Variants in ZNF385D observed in about 807,000 individuals in gnomAD.
ZNF385D encodes the protein zinc finger protein 659.
Under a neutral mutation model 35.8 loss-of-function variants are expected in ZNF385D, and 15 were observed. That is an observed-to-expected ratio of 0.42 (90% confidence interval 0.28 to 0.64). The LOEUF is 0.64. Among genes scored for constraint, ZNF385D ranks in the 30% least tolerant of loss-of-function variants. The pLI is 0.23. For synonymous variants in ZNF385D, 212 were observed against 186.8 expected (o/e 1.13, Z -1.10); for missense variants, 474 against 494.6 (o/e 0.96, Z 0.39).
At chr3:22,279,982 C>A (rs901926900) in intron 2 of ZNF385D, among the ~76,000 whole-genome samples, 4 of 151,992 alleles carry the variant, frequency 2.6e-5, no homozygotes, top group Non-Finnish European at 4.4e-5. Context: ...GCCATTCTTG[C>A]AGCATAAGGT....
chr3:21,571,515 G>C lies in ZNF385D; in HGVS notation c.166-6831C>G, dbSNP rs971866906. Among the ~76,000 whole-genome samples, 25 of 152,190 alleles carry C rather than the reference G, an allele frequency of 1.6e-4. 1 individual carries two copies. Among genetic ancestry groups the C allele is most frequent in the Admixed American group, 1.2e-3 (18 of 15,270 alleles). ...ATATTTATAGGATAAACTTTGGTAG[G>C]CATGGCCAAAAAGTTTTTCAAAATG... On this transcript the variant is annotated intron_variant, in intron 2 of 7. Transcript: ENST00000281523.
chr3:21,887,921 C>T (rs1048313082), intron 3 of ZNF385D, among the ~76,000 whole-genome samples: 57 of 152,180 alleles, frequency 3.7e-4, no homozygotes, highest in African/African-American at 1.3e-3. Context: ...AAATGGGTTA[C>T]ACATGTCCAT....
intron 2 of ZNF385D, among the ~76,000 whole-genome samples, chr3:22,200,962 T>C (rs547089820): frequency 3.9e-5 from 6 of 152,154 alleles, no homozygotes; most frequent in Non-Finnish European, 7.4e-5. Context: ...CCAGATTTCA[T>C]ATTGTTCAAA....
At chr3:21,772,968 G>T (rs532710732) in intron 3 of ZNF385D, among the ~76,000 whole-genome samples, 1 of 151,840 alleles carries the variant, frequency 6.6e-6, no homozygotes, top group South Asian at 2.1e-4. Flanking sequence ...GACAAATACT[G>T]TATGATTCCA....
At position 22,342,688 on chromosome 3, in the gene ZNF385D, C is replaced by T. The variant is rs568027718; in HGVS notation, c.106+29762G>A. 5.3e-5 allele frequency among the ~76,000 whole-genome samples: 8 copies of T among 152,280 alleles called. No individual in the cohort carries two copies. In the South Asian group the frequency reaches 1.2e-3, roughly 24 times the overall value. On this transcript the variant is annotated intron_variant, in intron 2 of 5. Transcript: ENST00000494108. ...AGCAGTGCTGAACTACTGATTGTTA[C>T]GTACTCTCCAGGGTGATTTTCCATG...
chr3:22,012,316 A>C (rs1696627247), intron 3 of ZNF385D, among the ~76,000 whole-genome samples: 2 of 152,188 alleles, frequency 1.3e-5, no homozygotes, highest in Non-Finnish European at 2.9e-5. Context: ...GGAGTCTACT[A>C]ACAACTAAGA....
At chr3:21,788,948 A>C (rs1436901982) in intron 3 of ZNF385D, among the ~76,000 whole-genome samples, 1 of 152,208 alleles carries the variant, frequency 6.6e-6, no homozygotes, top group African/African-American at 2.4e-5. Context: ...GAGCATGAGG[A>C]CAGAAGAACA....
At chr3:22,107,333 G>GT (rs959389309) in intron 3 of ZNF385D, among the ~76,000 whole-genome samples, 1 of 151,778 alleles carries the variant, frequency 6.6e-6, no homozygotes, top group Non-Finnish European at 1.5e-5. Context: ...TGGAATATTA[G>GT]TTTTTAAAAG....
At chr3:21,825,481 TAAAA>T (rs147207080) in intron 3 of ZNF385D, among the ~76,000 whole-genome samples, 1 of 148,402 alleles carries the variant, frequency 6.7e-6, no homozygotes. Flanking sequence ...TGTTTGCAAA[TAAAA>T]AAAAAAGTGT....
At chr3:21,976,182 C>A (rs6775737) in intron 3 of ZNF385D, among the ~76,000 whole-genome samples, 20,732 of 152,054 alleles carry the variant, frequency 0.14, 3,400 homozygotes, top group African/African-American at 0.4. Flanking sequence ...TCTTGGCCTG[C>A]CAGAGGATAG....
intron 2 of ZNF385D, among the ~76,000 whole-genome samples, chr3:21,610,888 A>G (rs1311916673): frequency 6.6e-6 from 1 of 152,110 alleles, no homozygotes; most frequent in Non-Finnish European, 1.5e-5. Flanking sequence ...ATCAGCCTGG[A>G]ATGTGGTCTC....
intron 4 of ZNF385D, among the ~76,000 whole-genome samples, chr3:21,477,628 T>G (rs891632952): frequency 3.3e-5 from 5 of 152,134 alleles, no homozygotes; most frequent in African/African-American, 1.2e-4. Context: ...CTACCCACAC[T>G]TGCTGGTGGA....
intron 2 of ZNF385D, among the ~76,000 whole-genome samples, chr3:21,566,707 T>A (rs1331057313): frequency 3.3e-5 from 5 of 152,200 alleles, no homozygotes; most frequent in Admixed American, 6.5e-5. Context: ...AGGTATTGTA[T>A]AATAATTTAC....
intron 3 of ZNF385D, among the ~76,000 whole-genome samples, chr3:21,999,763 A>C (rs61688831): frequency 0.05 from 5,055 of 100,586 alleles, 292 homozygotes; most frequent in African/African-American, 0.21. Flanking sequence ...AAAATACCCC[A>C]GTCAGGCAAA....
chr3:21,739,624 A>G (rs967356669), intron 1 of ZNF385D, among the ~76,000 whole-genome samples: 3 of 152,198 alleles, frequency 2.0e-5, no homozygotes, highest in Non-Finnish European at 4.4e-5. Flanking sequence ...CGGGGTAGGC[A>G]AAGTGTACAA....
chr3:22,003,685 G>T (rs1256620558), intron 3 of ZNF385D, among the ~76,000 whole-genome samples: 1 of 152,098 alleles, frequency 6.6e-6, no homozygotes, highest in African/African-American at 2.4e-5. Context: ...GGGCCAACAT[G>T]ATGAAACCAT....
At chr3:22,269,347 G>A (rs1701057587) in intron 2 of ZNF385D, among the ~76,000 whole-genome samples, 1 of 151,944 alleles carries the variant, frequency 6.6e-6, no homozygotes, top group Non-Finnish European at 1.5e-5. Flanking sequence ...AAATAAAGAG[G>A]ACACATCTGA....
intron 2 of ZNF385D, among the ~76,000 whole-genome samples, chr3:21,604,467 A>G (rs552111591): frequency 2.6e-5 from 4 of 152,358 alleles, no homozygotes; most frequent in African/African-American, 9.6e-5. Flanking sequence ...TGGCAGTGCT[A>G]TGCTAAGAGG....
At chr3:21,484,567 T>A (rs1704885055) in intron 4 of ZNF385D, among the ~76,000 whole-genome samples, 1 of 152,140 alleles carries the variant, frequency 6.6e-6, no homozygotes, top group Non-Finnish European at 1.5e-5. Flanking sequence ...AGGGTCTAGA[T>A]CCATTGTCAC....
Sources: gnomAD v4.1 joint callset for allele counts (sites outside exome capture counted in the v4.1 genomes callset) on GRCh38, gnomAD v4.1.1 for gene constraint, MANE v1.5 for transcripts, NCBI Gene and HGNC (gene_info 2026-07-23, HGNC 2026-07-21) for gene names.